The following CFAP20DC variants were observed in gnomAD, a reference collection of about 807,000 sequenced individuals.
The protein encoded by CFAP20DC is protein CFAP20DC.
Under a neutral mutation model 101.7 loss-of-function variants are expected in CFAP20DC, and 84 were observed. The ratio of observed to expected loss-of-function variants is 0.83; its 90% CI spans 0.69 to 0.99. The LOEUF (loss-of-function observed/expected upper bound fraction) is 0.99, where lower values mean the gene tolerates loss of function less well. Ranked by LOEUF, CFAP20DC falls within the 50% of genes least tolerant of loss-of-function variation. The pLI, the probability that CFAP20DC is intolerant of heterozygous loss-of-function variation, is 0.00. For synonymous variants in CFAP20DC, 359 were observed against 351.2 expected (o/e 1.02, Z -0.25); for missense variants, 1,007 against 970.3 (o/e 1.04, Z -0.50).
intron 14 of CFAP20DC, among the ~76,000 whole-genome samples, chr3:58,823,391 G>A (rs142029037): frequency 6.6e-6 from 1 of 152,064 alleles, no homozygotes; most frequent in African/African-American, 2.4e-5. Flanking sequence ...AGAGAATATC[G>A]TAAGTAGATG....
chr3:58,844,552 CATT>C (rs1489677072), intron 13 of CFAP20DC, among the ~76,000 whole-genome samples: 1 of 134,876 alleles, frequency 7.4e-6, no homozygotes, highest in Non-Finnish European at 1.5e-5. Flanking sequence ...GACTCCCACA[CATT>C]AATAATGGGA....
intron 6 of CFAP20DC, among the ~76,000 whole-genome samples, chr3:58,911,868 C>T (rs557554822): frequency 6.6e-6 from 1 of 152,096 alleles, no homozygotes; most frequent in Admixed American, 6.6e-5. Flanking sequence ...CTGGGGTCCT[C>T]CTATAGCAAC....
rs1456853028 is a variant in CFAP20DC, at chr3:58,788,334, A to T, written c.2237+18061T>A. On this transcript the variant is annotated intron_variant, in intron 15 of 16. Transcript: ENST00000482387. This position sits in a 1 kb window ranked among gnomAD's most constrained non-coding sequence, Gnocchi z 4.2. ...CCTCAGATGAACAAATTAAATTCAC[A>T]TTTAAACCACGGTTACCGGGGAAAT... Among the ~76,000 whole-genome samples the T allele has an allele frequency of 1.3e-5, 2 of 152,214 alleles. No individual in the cohort carries two copies. Among genetic ancestry groups the T allele is most frequent in the East Asian group, 3.9e-4 (2 of 5,178 alleles).
chr3:58,759,473 A>AT (rs1436409261), intron 15 of CFAP20DC, among the ~76,000 whole-genome samples: 1 of 152,018 alleles, frequency 6.6e-6, no homozygotes, highest in East Asian at 1.9e-4. Context: ...ATTTTCTCCC[A>AT]TTTTGTAGGT....
chr3:58,840,304 G>A (rs1014048550), intron 13 of CFAP20DC, among the ~76,000 whole-genome samples: 5 of 152,108 alleles, frequency 3.3e-5, no homozygotes, highest in African/African-American at 7.2e-5. Flanking sequence ...ACTTAGTAAA[G>A]GAAACATTCT....
intron 14 of CFAP20DC, among the ~76,000 whole-genome samples, chr3:58,809,811 C>G (rs991318253): frequency 6.6e-6 from 1 of 151,636 alleles, no homozygotes. Context: ...TCCAGCAAGA[C>G]TAATAAAGAA....
intron 14 of CFAP20DC, among the ~76,000 whole-genome samples, chr3:58,814,004 C>T (rs1015397729): frequency 1.2e-4 from 18 of 151,868 alleles, no homozygotes; most frequent in South Asian, 4.1e-4. Context: ...CTAACAGGTT[C>T]TCTGGACAAA....
At position 58,868,453 on chromosome 3, in the gene CFAP20DC, A is replaced by T. The variant is rs2079873557; in HGVS notation, c.1016-517T>A. 6.6e-6 allele frequency among the ~76,000 whole-genome samples: 1 copy of T among 152,182 alleles called. No individual in the cohort carries two copies. Among genetic ancestry groups the T allele is most frequent in the South Asian group, 2.1e-4 (1 of 4,836 alleles). ...TCCTGAATGCTTAATTTCTTGGTGC[A>T]ATATGATACACTTAACTGGCTTTTC... On this transcript the variant is annotated intron_variant, in intron 9 of 16. Transcript: ENST00000482387. The surrounding 1 kb of genome is among the most constrained non-coding windows in gnomAD (Gnocchi z 4.6).
intron 13 of CFAP20DC, among the ~76,000 whole-genome samples, chr3:58,848,597 T>A (rs1376661070): frequency 2.6e-5 from 4 of 152,180 alleles, no homozygotes; most frequent in Admixed American, 2.6e-4. Flanking sequence ...TCATATCATT[T>A]ATTATTTGGG....
chr3:58,984,625 T>G (rs952615037), intron 4 of CFAP20DC, among the ~76,000 whole-genome samples: 2 of 152,174 alleles, frequency 1.3e-5, no homozygotes, highest in Non-Finnish European at 2.9e-5. Flanking sequence ...GCTCATCATT[T>G]CACCTGATAA....
intron 16 of CFAP20DC, among the ~76,000 whole-genome samples, chr3:58,748,135 A>C (rs527784109): frequency 4.0e-4 from 61 of 152,308 alleles, no homozygotes; most frequent in African/African-American, 1.4e-3. Context: ...CTACTTACAA[A>C]TATGCAGTGA....
chr3:58,806,945 C>A (rs987615909), intron 14 of CFAP20DC, among the ~76,000 whole-genome samples: 2 of 152,146 alleles, frequency 1.3e-5, no homozygotes, highest in African/African-American at 4.8e-5. Flanking sequence ...GGGTCCTACG[C>A]CCACGGAGTC....
chr3:59,010,556 TACA>T (rs1424469668), intron 4 of CFAP20DC, among the ~76,000 whole-genome samples: 2 of 152,094 alleles, frequency 1.3e-5, no homozygotes, highest in African/African-American at 4.8e-5. Flanking sequence ...CCCAAATTCA[TACA>T]ACAATTACTA....
At chr3:58,820,232 C>G (rs1166770857) in intron 14 of CFAP20DC, among the ~76,000 whole-genome samples, 1 of 149,794 alleles carries the variant, frequency 6.7e-6, no homozygotes, top group Non-Finnish European at 1.5e-5. Flanking sequence ...AAAACTGGCA[C>G]AAGACAGGGA....
At position 58,844,683 on chromosome 3, in the gene CFAP20DC, C is replaced by A. The variant is rs1246032054; in HGVS notation, c.1971+4349G>T. ...GGACCTAATAGACATCTACAGAACT[C>A]TCCACCCCAAATCAACAGAATATAC... On this transcript the variant is annotated intron_variant, in intron 13 of 16. Coordinates refer to ENST00000482387, the MANE Select transcript of CFAP20DC (RefSeq NM_001394063.1). Among the ~76,000 whole-genome samples the A allele has an allele frequency of 1.4e-3, 174 of 128,432 alleles. 5 individuals are homozygous for A. Among genetic ancestry groups the A allele is most frequent in the Middle Eastern group, 7.1e-3 (2 of 280 alleles). The allele number at this position is 128,432 out of a possible 152,430, so 84.3% of individuals were successfully genotyped here. A position where few individuals can be genotyped will look rare whatever the true frequency, so the allele number is the denominator to read the frequency against.
At chr3:58,931,293 C>A (rs186148184) in intron 5 of CFAP20DC, among the ~76,000 whole-genome samples, 1 of 152,296 alleles carries the variant, frequency 6.6e-6, no homozygotes, top group African/African-American at 2.4e-5. Context: ...TGGAGACCAC[C>A]ACAACTCAAG....
intron 5 of CFAP20DC, among the ~76,000 whole-genome samples, chr3:58,936,276 A>G (rs1322659922): frequency 1.3e-5 from 2 of 152,162 alleles, no homozygotes; most frequent in African/African-American, 4.8e-5. Context: ...AGGAAACAAC[A>G]GGTGCTGGAG....
chr3:58,871,945 A>C (rs576491086), intron 7 of CFAP20DC, among the ~76,000 whole-genome samples: 1 of 152,260 alleles, frequency 6.6e-6, no homozygotes, highest in East Asian at 1.9e-4. Context: ...CTAGATGCAG[A>C]AGATCTTGTG....
intron 12 of CFAP20DC, among the ~76,000 whole-genome samples, chr3:58,857,709 T>A (rs976074308): frequency 6.6e-6 from 1 of 152,154 alleles, no homozygotes; most frequent in African/African-American, 2.4e-5. Context: ...CAAGATGACA[T>A]AGGAGACTAT....
Sources: allele counts gnomAD v4.1 joint callset (sites outside exome capture counted in the v4.1 genomes callset), GRCh38; gene constraint gnomAD v4.1.1; non-coding constraint Gnocchi (gnomAD v3.1); transcripts MANE v1.5; gene names NCBI Gene and HGNC (gene_info 2026-07-23, HGNC 2026-07-21).